SENP7: variants seen among roughly 807,000 people sequenced by gnomAD.
The protein encoded by SENP7 is SUMO specific peptidase 7, also known as sentrin-specific protease 7.
Under a neutral mutation model 141.2 loss-of-function variants are expected in SENP7, and 64 were observed. The observed-to-expected ratio is 0.45, with a 90% CI of 0.37 to 0.56. The LOEUF is 0.56. Among genes scored for constraint, SENP7 ranks in the 20% least tolerant of loss-of-function variants. SENP7 has a pLI of 0.00. For missense variants in SENP7, 1,025 were observed against 1,212.2 expected, an observed-to-expected ratio of 0.85 and a Z score of 2.29; for synonymous variants, 382 against 426.4, an observed-to-expected ratio of 0.90 and a Z score of 1.28.
At chr3:101,441,262 A>G (rs964358106) in intron 4 of SENP7, among the ~76,000 whole-genome samples, 2 of 152,162 alleles carry the variant, frequency 1.3e-5, no homozygotes, top group African/African-American at 2.4e-5. Flanking sequence ...AACAGCACCA[A>G]TAACTTGAAA....
chr3:101,378,288 C>T (rs951646391), intron 6 of SENP7, among the ~76,000 whole-genome samples: 3 of 151,652 alleles, frequency 2.0e-5, no homozygotes, highest in African/African-American at 7.3e-5. Flanking sequence ...GAATTTAAAA[C>T]AAATATGATC....
At chr3:101,391,371 C>A (rs922693030) in intron 6 of SENP7, among the ~76,000 whole-genome samples, 9 of 149,698 alleles carry the variant, frequency 6.0e-5, no homozygotes, top group Non-Finnish European at 8.9e-5. Flanking sequence ...AGAAAGAACA[C>A]TGAAATAAAT....
chr3:101,450,482 A>G (rs1187015329), intron 4 of SENP7, among the ~76,000 whole-genome samples: 1 of 152,198 alleles, frequency 6.6e-6, no homozygotes, highest in African/African-American at 2.4e-5. Flanking sequence ...TCCTCAGCAA[A>G]TGTAAAAGAA....
intron 5 of SENP7, among the ~76,000 whole-genome samples, chr3:101,406,912 T>C (rs879669345): frequency 6.6e-6 from 1 of 152,180 alleles, no homozygotes; most frequent in Non-Finnish European, 1.5e-5. Context: ...TGGAGCCCTA[T>C]CTTCACCCTC....
intron 17 of SENP7, among the ~76,000 whole-genome samples, chr3:101,333,685 A>G (rs2059114157): frequency 1.3e-5 from 2 of 152,228 alleles, no homozygotes; most frequent in African/African-American, 4.8e-5. Flanking sequence ...CCACTCATCC[A>G]TCTTTCCTTT....
At chr3:101,505,974 A>C (rs996564752) in intron 1 of SENP7, among the ~76,000 whole-genome samples, 3 of 152,112 alleles carry the variant, frequency 2.0e-5, no homozygotes, top group Non-Finnish European at 4.4e-5. Context: ...TGAGTCAAAA[A>C]ACTAAAAGCA....
intron 6 of SENP7, among the ~76,000 whole-genome samples, chr3:101,397,897 A>G (rs1023053042): frequency 6.6e-6 from 1 of 152,210 alleles, no homozygotes; most frequent in Non-Finnish European, 1.5e-5. Flanking sequence ...AACAGAATGT[A>G]CTAACTGACC....
At chr3:101,375,543 C>A (rs13095713) in intron 6 of SENP7, among the ~76,000 whole-genome samples, 5,298 of 16,230 alleles carry the variant, frequency 0.33, 605 homozygotes, top group Non-Finnish European at 0.37. Flanking sequence ...ATTCCATCTC[C>A]AAAAAAAAAA....
chr3:101,506,848 T>G (rs1359228960), intron 1 of SENP7, among the ~76,000 whole-genome samples: 1 of 150,960 alleles, frequency 6.6e-6, no homozygotes, highest in Non-Finnish European at 1.5e-5. Flanking sequence ...AGGCGAAGAG[T>G]TCAAGAACAG....
intron 19 of SENP7, among the ~76,000 whole-genome samples, chr3:101,331,081 G>A (rs994234712): frequency 5.9e-5 from 9 of 151,508 alleles, no homozygotes; most frequent in African/African-American, 1.9e-4. Context: ...GAAATCAAAG[G>A]CATAAATTCC....
At chr3:101,457,744 T>G (rs1418856275) in intron 4 of SENP7, 5 of 818,172 alleles carry the variant, frequency 6.1e-6, no homozygotes, top group Non-Finnish European at 1.0e-5. Context: ...TCAGAGCAGA[T>G]AAGGGGCCAT....
chr3:101,409,961 T>C (rs2061408340), intron 5 of SENP7, among the ~76,000 whole-genome samples: 1 of 152,206 alleles, frequency 6.6e-6, no homozygotes, highest in South Asian at 2.1e-4. Context: ...AAAGAGCTTT[T>C]GCATACCAAA....
intron 5 of SENP7, 98 bp from the exon 6 acceptor site, chr3:101,399,153 C>T: frequency 1.4e-6 from 1 of 709,558 alleles, no homozygotes; most frequent in South Asian, 3.8e-5. Context: ...GCCATCTTAG[C>T]ACAAGAAAGC....
intron 4 of SENP7, among the ~76,000 whole-genome samples, chr3:101,438,804 G>C (rs1210278700): frequency 1.3e-5 from 2 of 151,476 alleles, no homozygotes; most frequent in Non-Finnish European, 3.0e-5. Flanking sequence ...AAAAAAGAAT[G>C]AGTATCGGTC....
At chr3:101,475,247 T>C (rs1490697711) in intron 3 of SENP7, among the ~76,000 whole-genome samples, 1 of 152,172 alleles carries the variant, frequency 6.6e-6, no homozygotes, top group East Asian at 1.9e-4. Context: ...TAAAGATACA[T>C]GCACACATAT....
chr3:101,490,481 C>G (rs2064921115), intron 3 of SENP7, among the ~76,000 whole-genome samples: 1 of 151,424 alleles, frequency 6.6e-6, no homozygotes, highest in Non-Finnish European at 1.5e-5. Context: ...GAGGTACAAG[C>G]AACAGAAGAG....
chr3:101,399,514 C>T (rs2061070349), intron 5 of SENP7, among the ~76,000 whole-genome samples: 1 of 152,188 alleles, frequency 6.6e-6, no homozygotes, highest in Non-Finnish European at 1.5e-5. Flanking sequence ...AGACATCATT[C>T]AGATTGCATC....
intron 4 of SENP7, among the ~76,000 whole-genome samples, chr3:101,422,111 G>C (rs777499071): frequency 3.3e-5 from 5 of 152,158 alleles, no homozygotes; most frequent in African/African-American, 4.8e-5. Context: ...AGCAGCATTA[G>C]ATTCGCATAG....
intron 6 of SENP7, among the ~76,000 whole-genome samples, chr3:101,387,591 C>T (rs1447302378): frequency 1.3e-5 from 2 of 152,216 alleles, no homozygotes; most frequent in Admixed American, 6.5e-5. Context: ...ATCATGACCA[C>T]CATTGCCAGC....
Sources: gnomAD v4.1 joint callset for allele counts (sites outside exome capture counted in the v4.1 genomes callset) on GRCh38, gnomAD v4.1.1 for gene constraint, MANE v1.5 for transcripts, NCBI Gene and HGNC (gene_info 2026-07-23, HGNC 2026-07-21) for gene names.